OOSP3: variants seen among roughly 807,000 people sequenced by gnomAD.
OOSP3 encodes the protein oocyte secreted protein family member 3, also known as oocyte-secreted protein 3.
At chr11:59,896,328 G>C in exon 5 of OOSP3, 1 of 395,014 alleles carries the variant, frequency 2.5e-6, no homozygotes, top group Non-Finnish European at 4.5e-6. Context: ...GAGGACATTG[G>C]GTTGGGATAG....
Position 59,895,310 on chromosome 11 carries a change from G to A in OOSP3, c.351-192G>A, listed in dbSNP as rs909897479. On this transcript the variant is annotated intron_variant, in intron 3 of 4. Transcript: ENST00000646438. ...CTTTTTTTTTTTTTTTTGGACTAAC[G>A]CCCCTAAATGGAGGTTTGTTAATCC... Among the ~76,000 whole-genome samples the A allele has an allele frequency of 4.3e-5, 6 of 140,792 alleles. No homozygotes were observed. The East Asian group carries it at 8.1e-4, about 19-fold the overall frequency. The allele number at this position is 140,792 out of a possible 152,430, so 92.4% of individuals were successfully genotyped here. A position where few individuals can be genotyped will look rare whatever the true frequency, so the allele number is the denominator to read the frequency against.
At chr11:59,887,038 G>A (rs772016329) in intron 2 of OOSP3, among the ~76,000 whole-genome samples, 18 of 151,454 alleles carry the variant, frequency 1.2e-4, no homozygotes, top group African/African-American at 2.2e-4. Flanking sequence ...CAAGTGATTC[G>A]TGTGCCTTGG....
At chr11:59,887,125 T>G (rs185544732) in intron 2 of OOSP3, among the ~76,000 whole-genome samples, 3,008 of 140,424 alleles carry the variant, frequency 0.021, 120 homozygotes, top group African/African-American at 0.076. Flanking sequence ...TTTTTTGTTG[T>G]TTTTTTTTTT....
At chr11:59,888,538 G>A (rs113265644) in intron 2 of OOSP3, among the ~76,000 whole-genome samples, 1 of 152,226 alleles carries the variant, frequency 6.6e-6, no homozygotes, top group Middle Eastern at 3.4e-3. Context: ...AGCCTTTTCT[G>A]TATCTATTGA....
exon 3 of OOSP3, chr11:59,894,147 C>T (rs1853335753): frequency 2.5e-6 from 1 of 398,374 alleles, no homozygotes; most frequent in African/African-American, 2.1e-5. Flanking sequence ...GAGTCACTGG[C>T]AAAATTCCTT....
intron 2 of OOSP3, among the ~76,000 whole-genome samples, chr11:59,888,047 T>G (rs952453591): frequency 6.6e-6 from 1 of 152,238 alleles, no homozygotes; most frequent in Non-Finnish European, 1.5e-5. Flanking sequence ...CTAGGCATTT[T>G]ATTCTCTTTG....
At chr11:59,885,868 T>A (rs1000988606) in intron 2 of OOSP3, among the ~76,000 whole-genome samples, 14 of 152,122 alleles carry the variant, frequency 9.2e-5, no homozygotes, top group South Asian at 2.1e-4. Context: ...TTTCTTTTTT[T>A]AAAAAATATT....
chr11:59,882,746 A>G (rs1853216001), intron 2 of OOSP3, among the ~76,000 whole-genome samples: 1 of 152,150 alleles, frequency 6.6e-6, no homozygotes, highest in African/African-American at 2.4e-5. Context: ...AGGATATTTT[A>G]ATCACTTCTC....
intron 3 of OOSP3, among the ~76,000 whole-genome samples, chr11:59,894,695 A>G (rs1853340809): frequency 6.6e-6 from 1 of 152,158 alleles, no homozygotes; most frequent in Non-Finnish European, 1.5e-5. Flanking sequence ...GCACATAAAT[A>G]TCCTTGCCAA....
chr11:59,894,513 C>T (rs756594146), intron 3 of OOSP3, among the ~76,000 whole-genome samples: 6 of 152,186 alleles, frequency 3.9e-5, no homozygotes, highest in Non-Finnish European at 8.8e-5. Flanking sequence ...AGCTCTGTTT[C>T]TTGAGTCAGG....
Position 59,896,118 on chromosome 11 carries a change from CT to C in OOSP3, c.502-9del. 2.5e-6 allele frequency: 1 copy of C among 398,308 alleles called. No individual in the cohort carries two copies. The allele number at this position is 398,308 out of a possible 1,614,324, so 24.7% of individuals were successfully genotyped here. On this transcript the variant is annotated splice_polypyrimidine_tract_variant and intron_variant, in intron 4 of 4. Coordinates refer to ENST00000646438, the Ensembl canonical transcript of OOSP3. Reference sequence around the variant, plus strand: ...TGGAAACTTTTTATTAACTACCTTTCTTTTTTCTCTGTAGGTAGAGGCATCT... The same window carrying C: ...TGGAAACTTTTTATTAACTACCTTTCTTTTTCTCTGTAGGTAGAGGCATCT...
intron 2 of OOSP3, among the ~76,000 whole-genome samples, chr11:59,882,195 C>A (rs1038246198): frequency 7.2e-5 from 11 of 151,994 alleles, no homozygotes; most frequent in Admixed American, 1.3e-4. Context: ...ACATCAGCCA[C>A]AATGTTATTA....
intron 2 of OOSP3, among the ~76,000 whole-genome samples, chr11:59,893,674 A>G (rs754226164): frequency 1.3e-5 from 2 of 152,172 alleles, no homozygotes; most frequent in Admixed American, 6.5e-5. Flanking sequence ...TGTTTTTGAC[A>G]TCTCCACAAT....
rs540875037 is a variant in OOSP3, at chr11:59,880,687, T to C, written c.252+248T>C. 3.9e-5 allele frequency among the ~76,000 whole-genome samples: 6 copies of C among 152,360 alleles called. No individual in the cohort carries two copies. The South Asian group carries it at 1.0e-3, about 26-fold the overall frequency. ...TATCCAAGCACTCTTAAGTCTTTTT[T>C]AGTCCTTACATCCCCTAAAGTCTAG... On this transcript the variant is annotated intron_variant, in intron 2 of 4. Coordinates refer to ENST00000646438, the Ensembl canonical transcript of OOSP3.
At chr11:59,883,956 G>A (rs1367936470) in intron 2 of OOSP3, among the ~76,000 whole-genome samples, 5 of 152,166 alleles carry the variant, frequency 3.3e-5, no homozygotes, top group South Asian at 2.1e-4. Context: ...TGTGATTAAT[G>A]ACAAAATATT....
At chr11:59,894,399 C>T (rs1011324927) in intron 3 of OOSP3, among the ~76,000 whole-genome samples, 1 of 152,186 alleles carries the variant, frequency 6.6e-6, no homozygotes, top group Non-Finnish European at 1.5e-5. Context: ...TTGCCCCTCT[C>T]CCTGCTTCTG....
rs776587368 is a variant in OOSP3 at position 59,895,427 on chromosome 11, A to C, written c.351-75A>C. ...AGAAGGAAAAAAAATGAATTCAGAC[A>C]AAAAGAGACTTACTGGTTTGTTTAT... is the stretch of plus-strand genomic sequence containing the variant. On this transcript the variant is annotated intron_variant, in intron 3 of 4. Transcript: ENST00000646438. The C allele has an allele frequency of 1.0e-5, 4 of 397,012 alleles. No homozygotes were observed. The East Asian group carries it at 1.4e-4, about 14-fold the overall frequency. 24.6% of individuals were successfully genotyped at this position (397,012 alleles called of 1,614,324 possible). A position where few individuals can be genotyped will look rare whatever the true frequency, so the allele number is the denominator to read the frequency against.
chr11:59,894,969 A>G (rs559633194), intron 3 of OOSP3, among the ~76,000 whole-genome samples: 1 of 151,908 alleles, frequency 6.6e-6, no homozygotes, highest in Non-Finnish European at 1.5e-5. Flanking sequence ...AACTTCCCCC[A>G]CCCCCAATTT....
At chr11:59,888,709 T>C (rs1382404721) in intron 2 of OOSP3, among the ~76,000 whole-genome samples, 2 of 152,254 alleles carry the variant, frequency 1.3e-5, no homozygotes, top group Non-Finnish European at 2.9e-5. Context: ...CAGTATTTTA[T>C]TGAGGATTTT....
Sources: allele counts gnomAD v4.1 joint callset (sites outside exome capture counted in the v4.1 genomes callset), GRCh38; gene constraint gnomAD v4.1.1; transcripts MANE v1.5; gene names NCBI Gene and HGNC (gene_info 2026-07-23, HGNC 2026-07-21).